PI4KA: variants seen among roughly 807,000 people sequenced by gnomAD.
The protein encoded by PI4KA is PI4-kinase alpha.
A neutral mutation model predicts 271.4 loss-of-function variants in PI4KA; 122 were observed. The observed-to-expected ratio is 0.45, with a 90% CI of 0.39 to 0.52. The LOEUF is 0.52. Among genes scored for constraint, PI4KA ranks in the 20% least tolerant of loss-of-function variants. The pLI is 0.00. For synonymous variants in PI4KA, 1,041 were observed against 1,078.8 expected (o/e 0.96, Z 0.69); for missense variants, 1,969 against 2,769.1 (o/e 0.71, Z 6.48).
Position 20,838,710 on chromosome 22 carries a change from A to G in PI4KA, c.178T>C (p.Cys60Arg), listed in dbSNP as rs1925185147. The G allele has an allele frequency of 1.2e-6, 2 of 1,611,532 alleles. No homozygotes were observed. Among genetic ancestry groups the G allele is most frequent in the African/African-American group, 1.3e-5 (1 of 74,856 alleles). ...AAGATCCCATGGAAATCCACTGGAC[A>G]CATGCAAAGAAGCTTTTGGACCTAG... ...LEKVQKLLCMCPVDFHGIFQL... is the reference protein window; with the variant it reads ...LEKVQKLLCMRPVDFHGIFQL... The change falls in exon 2 of 55, where the codon TGT becomes CGT. Residue 60 changes from cysteine (C) to arginine (R), a missense_variant. Physicochemically the swap from Cys to Arg is radical, Grantham distance 180. Transcript: ENST00000255882.
At chr22:20,732,792 AGAG>A (rs1249992795) in intron 36 of PI4KA, among the ~76,000 whole-genome samples, 176 bp downstream of exon 36, 3 of 152,178 alleles carry the variant, frequency 2.0e-5, no homozygotes, top group Admixed American at 6.5e-5. Flanking sequence ...AGCTCAGGCC[AGAG>A]GAGAAGCAGA....
chr22:20,784,817 A>C (rs1290117647), intron 19 of PI4KA, among the ~76,000 whole-genome samples: 1 of 152,114 alleles, frequency 6.6e-6, no homozygotes, highest in Non-Finnish European at 1.5e-5. Context: ...AAGAATGGAG[A>C]GGTCTTATTT....
chr22:20,707,912 A>G lies in PI4KA; in HGVS notation c.*135T>C, dbSNP rs1924707484. The G allele has an allele frequency of 1.2e-6, 1 of 816,446 alleles. No homozygotes were observed. Among genetic ancestry groups the G allele is most frequent in the Admixed American group, 1.7e-5 (1 of 58,058 alleles). The allele number at this position is 816,446 out of a possible 1,614,324, so 50.6% of individuals were successfully genotyped here. The stretch of plus-strand genomic sequence containing the variant: ...TGCGCCACCCACGTGCTGCCCCAGG[A>G]GGCGCTACCAGGTTCTTTGGGCCAC... On this transcript the variant is annotated 3_prime_UTR_variant, in exon 55 of 55. Transcript: ENST00000255882.
intron 19 of PI4KA, chr22:20,780,290 G>C: frequency 1.3e-6 from 2 of 1,583,430 alleles, no homozygotes; most frequent in South Asian, 1.1e-5. Flanking sequence ...CTGTACTGTA[G>C]CTATAATTTA....
intron 19 of PI4KA, chr22:20,786,230 A>T (rs1934213213): frequency 2.1e-6 from 3 of 1,454,466 alleles, no homozygotes; most frequent in Non-Finnish European, 2.9e-6. Context: ...CTTCCTACCC[A>T]CCCCCCAATC....
intron 20 of PI4KA, 23 bp from the exon 21 acceptor site, chr22:20,765,259 G>A (rs970011078): frequency 1.3e-6 from 2 of 1,584,356 alleles, no homozygotes; most frequent in Non-Finnish European, 1.7e-6. Context: ...GAACATAAAT[G>A]AGGAAATCAC....
At chr22:20,786,823 T>C (rs1038286834) in intron 19 of PI4KA, 9 of 1,547,510 alleles carry the variant, frequency 5.8e-6, no homozygotes, top group Middle Eastern at 1.7e-4. Context: ...CTGGGAACTC[T>C]AGCCCTCTGT....
chr22:20,727,145 C>A, intron 41 of PI4KA, 85 bp downstream of exon 41: 1 of 1,289,604 alleles, frequency 7.8e-7, no homozygotes. Context: ...ACCTCATGGC[C>A]AATGGTGGGG....
chr22:20,849,908 T>C (rs1926750359), intron 1 of PI4KA, among the ~76,000 whole-genome samples: 2 of 152,094 alleles, frequency 1.3e-5, no homozygotes. Context: ...CTTATAGAAT[T>C]CTATTTCTAC....
intron 43 of PI4KA, among the ~76,000 whole-genome samples, chr22:20,719,899 G>C (rs190634998): frequency 6.6e-6 from 1 of 151,892 alleles, no homozygotes; most frequent in East Asian, 1.9e-4. Flanking sequence ...GGTGGCAGGC[G>C]CCTGTAGTCC....
At chr22:20,780,314 G>T (rs1933669665) in intron 19 of PI4KA, 11 of 1,515,032 alleles carry the variant, frequency 7.3e-6, no homozygotes, top group Non-Finnish European at 9.1e-6. Context: ...AGGAAAACTA[G>T]ACACAAGATT....
chr22:20,767,202 G>A lies in PI4KA; in HGVS notation c.2329-1509C>T. 1.3e-5 allele frequency among the ~76,000 whole-genome samples: 2 copies of A among 152,170 alleles called. 1 individual carries two copies. ...TCTTGCCTGTAATCCCAGCACTTTG[G>A]GAGGCCGAGGCAGGTGGATCACGAG... is the stretch of plus-strand genomic sequence containing the variant. On this transcript the variant is annotated intron_variant, in intron 19 of 54. Coordinates refer to ENST00000255882, the MANE Select transcript of PI4KA (RefSeq NM_058004.4).
In PI4KA at chr22:20,729,888, C is replaced by A. The variant is rs748255726; in HGVS notation, c.4408+4G>T. The A allele has an allele frequency of 6.2e-7, 1 of 1,614,096 alleles. No homozygotes were observed. The highest frequency in any genetic ancestry group is 1.1e-5 in the South Asian group (1 of 91,060). On this transcript the variant is annotated splice_donor_region_variant and intron_variant, in intron 37 of 54. Coordinates refer to ENST00000255882, the MANE Select transcript of PI4KA (RefSeq NM_058004.4). Reference sequence around the variant, plus strand: ...ATGGCCCCAGCAGCACACCTCCCACCGACCTGATTTCTTGGAGATGGTGGA... The same window carrying A: ...ATGGCCCCAGCAGCACACCTCCCACAGACCTGATTTCTTGGAGATGGTGGA...
chr22:20,839,583 G>C (rs111659416), intron 1 of PI4KA, among the ~76,000 whole-genome samples: 16,755 of 152,244 alleles, frequency 0.11, 1,345 homozygotes, highest in Non-Finnish European at 0.16. Flanking sequence ...TGTAATCCCA[G>C]CACTTTGGTA....
chr22:20,771,443 C>T (rs1461755764), intron 19 of PI4KA, among the ~76,000 whole-genome samples: 2 of 151,246 alleles, frequency 1.3e-5, no homozygotes, highest in Admixed American at 6.6e-5. Flanking sequence ...AAGCCATACA[C>T]AAGCTGTTAC....
At chr22:20,824,251 T>C in intron 4 of PI4KA, 75 bp downstream of exon 4, 2 of 957,740 alleles carry the variant, frequency 2.1e-6, no homozygotes, top group Admixed American at 1.8e-5. Context: ...TTCACGTTTT[T>C]AAAATCTTTT....
chr22:20,844,809 C>T (rs944635567), intron 1 of PI4KA, among the ~76,000 whole-genome samples: 3 of 152,174 alleles, frequency 2.0e-5, no homozygotes, highest in Admixed American at 2.0e-4. Context: ...TTAATCATCC[C>T]CCTTTTACAT....
chr22:20,773,312 G>C (rs764898802), intron 19 of PI4KA, among the ~76,000 whole-genome samples: 1 of 152,260 alleles, frequency 6.6e-6, no homozygotes, highest in South Asian at 2.1e-4. Flanking sequence ...CTTGAACTTG[G>C]GAGACAGAGG....
rs774187343 is a variant in PI4KA, at chr22:20,824,400, C to A, written c.382G>T (p.Ala128Ser). ...ARKGRGALPV[A>S]ESFSFCLVTL... is the part of the protein sequence containing the mutation. ...ACCAAGCAGAAGCTGAAGCTCTCTGCAACCGGGAGGGCACCTGGAAGATGT... is the reference window on the plus strand; with the variant it reads ...ACCAAGCAGAAGCTGAAGCTCTCTGAAACCGGGAGGGCACCTGGAAGATGT... The change falls in exon 4 of 55, where the codon GCA becomes TCA. Residue 128 changes from alanine (A) to serine (S), a missense_variant. Transcript: ENST00000255882. 1.9e-6 allele frequency: 3 copies of A among 1,612,668 alleles called. No individual in the cohort carries two copies. Among genetic ancestry groups the A allele is most frequent in the Non-Finnish European group, 2.5e-6 (3 of 1,179,204 alleles).
Sources: gnomAD v4.1 joint callset for allele counts (sites outside exome capture counted in the v4.1 genomes callset) on GRCh38, gnomAD v4.1.1 for gene constraint, MANE v1.5 for transcripts, NCBI Gene and HGNC (gene_info 2026-07-23, HGNC 2026-07-21) for gene names.